Variants in BPTF observed in about 807,000 individuals in gnomAD.
BPTF encodes bromodomain PHD finger transcription factor.
A neutral mutation model predicts 292.5 loss-of-function variants in BPTF; 18 were observed. The ratio of observed to expected loss-of-function variants is 0.06; its 90% CI spans 0.04 to 0.09. The LOEUF (loss-of-function observed/expected upper bound fraction) is 0.09. Among genes scored for constraint, BPTF ranks in the 10% least tolerant of loss-of-function variants. The pLI, the probability that BPTF is intolerant of heterozygous loss-of-function variation, is 1.00. For synonymous variants in BPTF, 1,225 were observed against 1,251.9 expected, an observed-to-expected ratio of 0.98 and a Z score of 0.45; for missense variants, 2,726 against 3,498.7, an observed-to-expected ratio of 0.78 and a Z score of 5.57.
At chr17:67,893,891 C>T (rs928776234) in intron 6 of BPTF, 143 bp from the exon 7 acceptor site, 73 of 1,185,918 alleles carry the variant, frequency 6.2e-5, no homozygotes, top group Middle Eastern at 2.4e-4. Flanking sequence ...CTTACTGAAC[C>T]GACACCACTA....
intron 7 of BPTF, among the ~76,000 whole-genome samples, chr17:67,896,936 A>ATTT (rs2061488492): frequency 6.6e-6 from 1 of 152,240 alleles, no homozygotes; most frequent in Admixed American, 6.5e-5. Context: ...ATGATGAAAT[A>ATTT]GAAAACAAAT....
At position 67,911,644 on chromosome 17, in the gene BPTF, C is replaced by T. The variant is rs1213937555; in HGVS notation, c.3760C>T (p.His1254Tyr). 3.1e-6 allele frequency: 5 copies of T among 1,614,182 alleles called. No homozygotes were observed. The South Asian group carries it at 5.5e-5, about 18-fold the overall frequency. The change falls in exon 11 of 28, where the codon CAT (histidine) becomes TAT (tyrosine). Residue 1254 changes from histidine (H) to tyrosine (Y), a missense_variant. His to Tyr is a moderately conservative substitution (Grantham distance 83). Around this residue, in one of 22 missense-constraint regions of BPTF, gnomAD observed 713 missense variants for 714.9 expected, o/e 1.00. Transcript: ENST00000306378. ...TGTTTCTTCTTCCAAGAGTGCTTTACATTCATCAGTGCCTAAAAGTACCAA... is the reference window on the plus strand; with the variant it reads ...TGTTTCTTCTTCCAAGAGTGCTTTATATTCATCAGTGCCTAAAAGTACCAA... ...TIVSSSKSAL[H>Y]SSVPKSTNDR...
chr17:67,961,986 AAAG>A lies in BPTF; in HGVS notation c.8261+2114_8261+2116del, dbSNP rs1356153707. ...AAAGCTCTGTCAAAAAAAAAAAAGA[AAAG>A]AAAAAAAGCCGGGCCTGGTGGCGCA... On this transcript the variant is annotated intron_variant, in intron 24 of 27. Transcript: ENST00000306378. Among the ~76,000 whole-genome samples the A allele has an allele frequency of 9.9e-5, 15 of 151,852 alleles. 1 individual carries two copies. The South Asian group carries it at 1.7e-3, about 17-fold the overall frequency.
At chr17:67,909,428 A>G (rs745461132) in intron 9 of BPTF, among the ~76,000 whole-genome samples, 154 bp from the exon 10 acceptor site, 5 of 151,566 alleles carry the variant, frequency 3.3e-5, no homozygotes, top group Non-Finnish European at 7.4e-5. Context: ...ATGGTACCTT[A>G]TACTCAATAA....
At chr17:67,939,755 C>T (rs928159770) in intron 18 of BPTF, among the ~76,000 whole-genome samples, 4 of 152,188 alleles carry the variant, frequency 2.6e-5, no homozygotes, top group Non-Finnish European at 5.9e-5. Flanking sequence ...TGGGACATGC[C>T]TGTAGTCCCA....
rs138334328 is a variant in BPTF at position 67,959,717 on chromosome 17, G to A, written c.8103G>A (p.Thr2701=). 23 of 1,582,602 alleles carry A rather than the reference G, an allele frequency of 1.5e-5. No individual in the cohort carries two copies. The highest frequency in any genetic ancestry group is 1.7e-4 in the Middle Eastern group (1 of 5,928). Reference sequence around the variant, plus strand: ...TGCAACACACAGGCCTTCTGTCCACGCCCACCTTACCTGCTGCTTCCCAGA... The same window carrying A: ...TGCAACACACAGGCCTTCTGTCCACACCCACCTTACCTGCTGCTTCCCAGA... The part of the protein sequence containing the change: ...PAVQHTGLLS[T]PTLPAASQKR... The change falls in exon 24 of 28, where the codon ACG becomes ACA. Residue 2701 remains threonine (T), a synonymous_variant. Coordinates refer to ENST00000306378, the MANE Select transcript of BPTF (RefSeq NM_182641.4).
In BPTF at chr17:67,975,880, G is replaced by T. The variant is rs1365852157; in HGVS notation, c.8648G>T (p.Ser2883Ile). 3.7e-6 allele frequency: 6 copies of T among 1,613,978 alleles called. No individual in the cohort carries two copies. The highest frequency in any genetic ancestry group is 4.2e-6 in the Non-Finnish European group (5 of 1,179,984). Reference sequence around the variant, plus strand: ...GATAACTGTCGTTACTACAATCCAAGTGACTCCCCATTTTACCAGTGTGCA... The same window carrying T: ...GATAACTGTCGTTACTACAATCCAATTGACTCCCCATTTTACCAGTGTGCA... ...IFDNCRYYNP[S>I]DSPFYQCAEV... is the part of the protein sequence containing the mutation. The change falls in exon 27 of 28, where the codon AGT (serine) becomes ATT (isoleucine). Residue 2883 changes from serine (S) to isoleucine (I), a missense_variant. Transcript: ENST00000306378.
chr17:67,848,386 A>G (rs796101861), intron 1 of BPTF, among the ~76,000 whole-genome samples: 15 of 152,302 alleles, frequency 9.8e-5, no homozygotes, highest in African/African-American at 3.4e-4. Flanking sequence ...CAAATGAGCC[A>G]GGGGGCATGA....
In BPTF at chr17:67,847,290, G is replaced by A. The variant is rs551339309; in HGVS notation, c.614-6650G>A. ...AGCACTTTGGGAAGCCGAGGTGGGT[G>A]GATCACCTGAGGTCAGGAGTTCGAG... On this transcript the variant is annotated intron_variant, in intron 1 of 27. Coordinates refer to ENST00000306378, the MANE Select transcript of BPTF (RefSeq NM_182641.4). Among the ~76,000 whole-genome samples the A allele has an allele frequency of 4.1e-3, 631 of 152,140 alleles. 6 individuals carry two copies. Among genetic ancestry groups the A allele is most frequent in the African/African-American group, 0.015 (609 of 41,510 alleles).
chr17:67,918,652 G>C, intron 11 of BPTF, 62 bp from the exon 12 acceptor site: 1 of 1,464,878 alleles, frequency 6.8e-7, no homozygotes, highest in Non-Finnish European at 9.4e-7. Context: ...GAGTGAATAT[G>C]AATGTGTATG....
At chr17:67,925,124 G>C (rs1018634128) in intron 15 of BPTF, among the ~76,000 whole-genome samples, 1 of 150,786 alleles carries the variant, frequency 6.6e-6, no homozygotes. Context: ...CAGCTCTGTG[G>C]GTACACCAAG....
chr17:67,869,325 C>T (rs1210448249), intron 3 of BPTF, among the ~76,000 whole-genome samples: 1 of 151,876 alleles, frequency 6.6e-6, no homozygotes, highest in African/African-American at 2.4e-5. Flanking sequence ...ATTATGTATA[C>T]AGTATAATCA....
intron 1 of BPTF, among the ~76,000 whole-genome samples, chr17:67,832,435 AT>A (rs1363135205): frequency 6.6e-6 from 1 of 152,104 alleles, no homozygotes; most frequent in Non-Finnish European, 1.5e-5. Flanking sequence ...TTATTTTGTG[AT>A]TGTCACATTT....
intron 23 of BPTF, among the ~76,000 whole-genome samples, chr17:67,953,575 ATT>A (rs61682820): frequency 5.2e-5 from 7 of 133,958 alleles, no homozygotes; most frequent in East Asian, 4.4e-4. Context: ...TTGTTCTATA[ATT>A]TTTTTTTTTT....
chr17:67,950,885 A>AT (rs1220803848), intron 23 of BPTF: 1 of 151,638 alleles, frequency 6.6e-6, no homozygotes, highest in African/African-American at 2.4e-5. Flanking sequence ...CAAGATAAGC[A>AT]TTGAACCTGC....
At chr17:67,857,915 G>C (rs1349843450) in intron 2 of BPTF, among the ~76,000 whole-genome samples, 1 of 150,266 alleles carries the variant, frequency 6.7e-6, no homozygotes, top group Non-Finnish European at 1.5e-5. Context: ...AGCCTCCCAA[G>C]TAGCTGGGAC....
intron 4 of BPTF, among the ~76,000 whole-genome samples, chr17:67,881,232 A>G (rs1038653300): frequency 1.3e-5 from 2 of 152,190 alleles, no homozygotes; most frequent in Non-Finnish European, 2.9e-5. Flanking sequence ...AAGTTGGGCA[A>G]TATTTGGGGA....
chr17:67,850,759 C>T (rs1394458963), intron 1 of BPTF, among the ~76,000 whole-genome samples: 1 of 152,076 alleles, frequency 6.6e-6, no homozygotes, highest in Non-Finnish European at 1.5e-5. Context: ...ATGAATAAGC[C>T]ACAATTTGAC....
At chr17:67,949,055 CT>C (rs2066033842) in intron 23 of BPTF, among the ~76,000 whole-genome samples, 1 of 152,076 alleles carries the variant, frequency 6.6e-6, no homozygotes, top group African/African-American at 2.4e-5. Flanking sequence ...AACCTGCTTT[CT>C]AGAGGAATTT....
Sources: allele counts gnomAD v4.1 joint callset (sites outside exome capture counted in the v4.1 genomes callset), GRCh38; gene constraint gnomAD v4.1.1; regional missense constraint gnomAD v4.1.1; transcripts MANE v1.5; gene names NCBI Gene and HGNC (gene_info 2026-07-23, HGNC 2026-07-21).